Variants in MKLN1 observed in about 807,000 individuals in gnomAD.
The protein encoded by MKLN1 is muskelin.
A neutral mutation model predicts 99.0 loss-of-function variants in MKLN1; 18 were observed. The ratio of observed to expected loss-of-function variants is 0.18; its 90% CI spans 0.13 to 0.27. The LOEUF is 0.27. Ranked by LOEUF, MKLN1 falls within the 10% of genes least tolerant of loss-of-function variation. MKLN1 has a pLI of 1.00. For synonymous variants in MKLN1, 288 were observed against 293.2 expected (o/e 0.98, Z 0.18); for missense variants, 621 against 875.9 (o/e 0.71, Z 3.67).
At chr7:131,362,004 C>T (rs1800044516) in intron 1 of MKLN1, among the ~76,000 whole-genome samples, 1 of 152,040 alleles carries the variant, frequency 6.6e-6, no homozygotes, top group African/African-American at 2.4e-5. Flanking sequence ...GAAAGAATGG[C>T]TCAAGGAACG....
chr7:131,285,511 G>A (rs1048826149), intron 3 of MKLN1, among the ~76,000 whole-genome samples: 2 of 152,196 alleles, frequency 1.3e-5, no homozygotes, highest in African/African-American at 4.8e-5. Flanking sequence ...AGGACCTGTC[G>A]TAATTGGACT....
At chr7:131,145,990 G>C (rs573254998) in intron 2 of MKLN1, among the ~76,000 whole-genome samples, 18 of 152,220 alleles carry the variant, frequency 1.2e-4, no homozygotes, top group Non-Finnish European at 2.4e-4. Flanking sequence ...AGTGTGTACT[G>C]TATGGCAAAC....
intron 3 of MKLN1, among the ~76,000 whole-genome samples, chr7:131,252,793 C>G (rs1463628291): frequency 1.3e-5 from 2 of 152,114 alleles, no homozygotes; most frequent in Non-Finnish European, 2.9e-5. Flanking sequence ...CTGTGGTGCT[C>G]TGTTCTTGGC....
intron 1 of MKLN1, among the ~76,000 whole-genome samples, chr7:131,356,846 G>A (rs548127204): frequency 6.6e-6 from 1 of 152,304 alleles, no homozygotes; most frequent in African/African-American, 2.4e-5. Flanking sequence ...CACAACTTCA[G>A]TTCTTGCCTC....
chr7:131,240,868 A>T (rs1189617137), intron 3 of MKLN1, among the ~76,000 whole-genome samples: 1 of 152,228 alleles, frequency 6.6e-6, no homozygotes, highest in Non-Finnish European at 1.5e-5. Flanking sequence ...ATAGACACAG[A>T]AATGTGTATA....
At chr7:131,409,542 C>T (rs1261534295) in intron 6 of MKLN1, among the ~76,000 whole-genome samples, 2 of 151,892 alleles carry the variant, frequency 1.3e-5, no homozygotes, top group Admixed American at 1.3e-4. Context: ...CAGTTAAAGC[C>T]AGCTGAAAAG....
At chr7:131,361,465 T>C (rs1468998196) in intron 1 of MKLN1, among the ~76,000 whole-genome samples, 1 of 151,982 alleles carries the variant, frequency 6.6e-6, no homozygotes, top group Non-Finnish European at 1.5e-5. Flanking sequence ...TTGTAGTTAT[T>C]TTACATTCAC....
intron 3 of MKLN1, among the ~76,000 whole-genome samples, chr7:131,273,503 T>C (rs1481896111): frequency 6.6e-6 from 1 of 152,106 alleles, no homozygotes; most frequent in Non-Finnish European, 1.5e-5. Context: ...CCCTTGGCAT[T>C]TGGGGAGTTT....
chr7:131,126,288 T>C (rs1316157018), intron 1 of MKLN1, among the ~76,000 whole-genome samples: 1 of 151,992 alleles, frequency 6.6e-6, no homozygotes, highest in South Asian at 2.1e-4. Flanking sequence ...TTGAAGACAA[T>C]GAATTATGAA....
At position 131,138,220 on chromosome 7, in the gene MKLN1, T is replaced by G. The variant is rs182738164; in HGVS notation, c.-418-4600T>G. ...TGCTGGGATTACAGGTGTGAGCCAC[T>G]GCGCCTGGCCAGAACACATGAACAT... On this transcript the variant is annotated intron_variant, in intron 1 of 7. Coordinates refer to the MKLN1 transcript ENST00000416992. Among the ~76,000 whole-genome samples, 624 of 152,312 alleles carry G rather than the reference T, an allele frequency of 4.1e-3. 1 individual carries two copies. Among genetic ancestry groups the G allele is most frequent in the Non-Finnish European group, 6.3e-3 (429 of 68,024 alleles).
intron 4 of MKLN1, among the ~76,000 whole-genome samples, chr7:131,396,612 A>G (rs1467011061): frequency 1.3e-5 from 2 of 152,066 alleles, no homozygotes; most frequent in Non-Finnish European, 2.9e-5. Context: ...TTATTGCCTT[A>G]TATTGCTTAT....
intron 3 of MKLN1, among the ~76,000 whole-genome samples, chr7:131,203,442 G>A (rs1000937606): frequency 6.6e-6 from 1 of 152,124 alleles, no homozygotes; most frequent in Admixed American, 6.6e-5. Flanking sequence ...GTGGGCAATT[G>A]GGGAAAACAA....
intron 3 of MKLN1, among the ~76,000 whole-genome samples, chr7:131,252,918 T>G (rs1250230962): frequency 6.6e-6 from 1 of 152,200 alleles, no homozygotes; most frequent in African/African-American, 2.4e-5. Context: ...CATATTATGC[T>G]GATTTTTCAA....
intron 12 of MKLN1, among the ~76,000 whole-genome samples, chr7:131,451,707 A>G (rs1796183573): frequency 6.6e-6 from 1 of 152,224 alleles, no homozygotes; most frequent in Admixed American, 6.5e-5. Context: ...ACATAATTAC[A>G]TCAAAATTCA....
chr7:131,192,502 A>G (rs1458554050), intron 2 of MKLN1, among the ~76,000 whole-genome samples: 2 of 122,434 alleles, frequency 1.6e-5, no homozygotes, highest in Non-Finnish European at 1.7e-5. Context: ...TATAATATAT[A>G]CACATATAAA....
At chr7:131,156,631 A>G (rs1795971925) in intron 2 of MKLN1, among the ~76,000 whole-genome samples, 1 of 152,148 alleles carries the variant, frequency 6.6e-6, no homozygotes, top group East Asian at 1.9e-4. Flanking sequence ...CATGTAATTT[A>G]CTGACTACTG....
chr7:131,411,278 ATTCT>A (rs1400195532), intron 6 of MKLN1, 24 bp from the exon 7 acceptor site: 1 of 1,424,856 alleles, frequency 7.0e-7, no homozygotes, highest in Middle Eastern at 1.9e-4. Context: ...TTAAGGTGTA[ATTCT>A]TTCTCATTCT....
chr7:131,271,935 G>T (rs1252245754), intron 3 of MKLN1, among the ~76,000 whole-genome samples: 2 of 151,838 alleles, frequency 1.3e-5, no homozygotes, highest in South Asian at 2.1e-4. Flanking sequence ...TCAAAGATTT[G>T]TGCTGTCCTT....
At chr7:131,197,476 C>T (rs1043375703) in intron 2 of MKLN1, among the ~76,000 whole-genome samples, 1 of 151,064 alleles carries the variant, frequency 6.6e-6, no homozygotes, top group Non-Finnish European at 1.5e-5. Flanking sequence ...TCTCCAACTC[C>T]TGGGCTCAAG....
Sources: gnomAD v4.1 joint callset for allele counts (sites outside exome capture counted in the v4.1 genomes callset) on GRCh38, gnomAD v4.1.1 for gene constraint, MANE v1.5 for transcripts, NCBI Gene and HGNC (gene_info 2026-07-23, HGNC 2026-07-21) for gene names.